The following UGT1A7 variants were observed in gnomAD, a reference collection of about 807,000 sequenced individuals.
UGT1A7 encodes the protein UDP glucuronosyltransferase family 1 member A7, also known as UDP-glucuronosyltransferase 1A7.
In UGT1A7, 33 loss-of-function variants were observed where a neutral mutation model predicts 45.6. The observed-to-expected ratio is 0.72, with a 90% confidence interval of 0.55 to 0.97. The LOEUF is 0.97. Among genes scored for constraint, UGT1A7 ranks in the 50% least tolerant of loss-of-function variants. The pLI, the probability that UGT1A7 is intolerant of heterozygous loss-of-function variation, is 0.00. For synonymous variants in UGT1A7, 274 were observed against 250.6 expected (o/e 1.09, Z -0.88); for missense variants, 684 against 666.2 (o/e 1.03, Z -0.29).
At chr2:233,763,011 T>G (rs1346748254) in intron 1 of UGT1A7, among the ~76,000 whole-genome samples, 2 of 152,248 alleles carry the variant, frequency 1.3e-5, no homozygotes, top group Non-Finnish European at 2.9e-5. Flanking sequence ...TTTCATTATT[T>G]TGCATTATGT....
intron 1 of UGT1A7, chr2:233,729,350 T>A (rs751106111): frequency 2.5e-6 from 4 of 1,614,098 alleles, no homozygotes; most frequent in Non-Finnish European, 3.4e-6. Context: ...GAGAACTTTT[T>A]CACCCTGACA....
At chr2:233,760,612 G>C in intron 1 of UGT1A7, 1 of 1,614,218 alleles carries the variant, frequency 6.2e-7, no homozygotes, top group South Asian at 1.1e-5. Flanking sequence ...CCTGCAGCGT[G>C]TGATCAAAAC....
At chr2:233,711,717 G>A (rs2076193718) in intron 1 of UGT1A7, among the ~76,000 whole-genome samples, 1 of 152,198 alleles carries the variant, frequency 6.6e-6, no homozygotes, top group South Asian at 2.1e-4. Flanking sequence ...GGAAGCCTCA[G>A]CTTCACCAGC....
chr2:233,729,726 C>T, intron 1 of UGT1A7: 2 of 1,613,934 alleles, frequency 1.2e-6, no homozygotes, highest in African/African-American at 2.7e-5. Context: ...TACTAACAAC[C>T]AATTCAGACC....
At chr2:233,719,288 C>T (rs1377929252) in intron 1 of UGT1A7, 12 of 1,613,978 alleles carry the variant, frequency 7.4e-6, no homozygotes, top group Non-Finnish European at 1.0e-5. Flanking sequence ...CCGTTAACCT[C>T]TGTGGGGCGG....
chr2:233,681,987 T>A lies in UGT1A7; in HGVS notation c.50T>A (p.Leu17Gln). The A allele has an allele frequency of 6.2e-7, 1 of 1,614,188 alleles. No individual in the cohort carries two copies. The highest frequency in any genetic ancestry group is 8.5e-7 in the Non-Finnish European group (1 of 1,180,010). ...TGLLPLYVCL[L>Q]LTCGFAKAGK... Reference sequence around the variant, plus strand: ...CTCCTTCCCCTATATGTGTGTCTACTGCTGACCTGTGGCTTTGCCAAGGCA... The same window carrying A: ...CTCCTTCCCCTATATGTGTGTCTACAGCTGACCTGTGGCTTTGCCAAGGCA... The change falls in exon 1 of 5, where the codon CTG becomes CAG. Residue 17 changes from leucine (L) to glutamine (Q), a missense_variant. Physicochemically the swap from Leu to Gln is moderately radical, Grantham distance 113. Transcript: ENST00000373426.
Position 233,707,728 on chromosome 2 carries a change from AC to A in UGT1A7, c.855+24937del, listed in dbSNP as rs1181279072. ...TTTCACTACTGTGAACAATGTTACA[AC>A]GAACATTCTTTTACATTCTGAAACA... is the stretch of plus-strand genomic sequence containing the variant. On this transcript the variant is annotated intron_variant, in intron 1 of 4. Transcript: ENST00000373426. 6.6e-5 allele frequency among the ~76,000 whole-genome samples: 10 copies of A among 152,254 alleles called. No individual in the cohort carries two copies. In the East Asian group the frequency reaches 9.6e-4, roughly 15 times the overall value.
rs766578846 is a variant in UGT1A7 at position 233,743,643 on chromosome 2, T to C, written c.856-23391T>C. On this transcript the variant is annotated intron_variant, in intron 1 of 4. Transcript: ENST00000373426. ...AAGACGTCGGCTGGGTCGCGGAAGC[T>C]GAAGACGTACTCGAAGGGGTCCTCG... 2.2e-6 allele frequency: 3 copies of C among 1,367,168 alleles called. No homozygotes were observed. In the African/African-American group the frequency reaches 4.5e-5, roughly 20 times the overall value. The allele number at this position is 1,367,168 out of a possible 1,614,324, so 84.7% of individuals were successfully genotyped here.
chr2:233,771,170 G>A (rs1309098130), intron 4 of UGT1A7: 1 of 152,100 alleles, frequency 6.6e-6, no homozygotes, highest in African/African-American at 2.4e-5. Flanking sequence ...CCAGCACTGG[G>A]GATTACAATT....
At chr2:233,713,743 A>G (rs2076342174) in intron 1 of UGT1A7, 9 of 1,613,788 alleles carry the variant, frequency 5.6e-6, no homozygotes, top group Admixed American at 3.3e-5. Flanking sequence ...CTTGTCAGCC[A>G]TGCATCTGTG....
intron 1 of UGT1A7, among the ~76,000 whole-genome samples, chr2:233,695,701 C>A (rs2075303342): frequency 6.6e-6 from 1 of 152,146 alleles, no homozygotes; most frequent in Non-Finnish European, 1.5e-5. Flanking sequence ...GATTATTTCA[C>A]CTAACATAAT....
chr2:233,712,801 T>G (rs903788650), intron 1 of UGT1A7, among the ~76,000 whole-genome samples: 3 of 152,228 alleles, frequency 2.0e-5, no homozygotes, highest in Non-Finnish European at 4.4e-5. Flanking sequence ...GATCGGTCTT[T>G]CCCAGGGTGG....
chr2:233,712,394 A>G (rs2013030), intron 1 of UGT1A7, among the ~76,000 whole-genome samples: 13,551 of 152,236 alleles, frequency 0.089, 758 homozygotes, highest in East Asian at 0.2. Flanking sequence ...GCCACTTCAG[A>G]GAGAGTCCTC....
chr2:233,692,608 C>T (rs1023315562), intron 1 of UGT1A7, among the ~76,000 whole-genome samples: 10 of 152,156 alleles, frequency 6.6e-5, no homozygotes, highest in Non-Finnish European at 1.3e-4. Flanking sequence ...GAAAAATTCC[C>T]GCACATCATG....
intron 1 of UGT1A7, among the ~76,000 whole-genome samples, chr2:233,762,455 C>T (rs960271633): frequency 3.9e-5 from 6 of 152,100 alleles, no homozygotes; most frequent in Admixed American, 6.5e-5. Flanking sequence ...GCCCACTTAC[C>T]GATAATGTCA....
intron 1 of UGT1A7, among the ~76,000 whole-genome samples, chr2:233,736,165 G>T (rs533285485): frequency 6.6e-6 from 1 of 152,206 alleles, no homozygotes; most frequent in Non-Finnish European, 1.5e-5. Flanking sequence ...CGTAGATTTG[G>T]TCTTTCCACA....
chr2:233,761,375 C>T (rs1238115278), intron 1 of UGT1A7, among the ~76,000 whole-genome samples: 2 of 152,226 alleles, frequency 1.3e-5, no homozygotes, highest in Non-Finnish European at 2.9e-5. Context: ...GGACATTTTA[C>T]TCTGTGTGCT....
chr2:233,769,536 A>G lies in UGT1A7; in HGVS notation c.1295+1097A>G. On this transcript the variant is annotated intron_variant, in intron 4 of 4. Transcript: ENST00000373426. This position sits in a 1 kb window ranked among gnomAD's most constrained non-coding sequence, Gnocchi z 4.4. Reference sequence around the variant, plus strand: ...CCCATGGTTACCTCCTTTAGAAAGAAGCAGCAGTCAGGAAGACAGATGTGA... The same window carrying G: ...CCCATGGTTACCTCCTTTAGAAAGAGGCAGCAGTCAGGAAGACAGATGTGA... 6.2e-7 allele frequency: 1 copy of G among 1,612,938 alleles called. No homozygotes were observed. The highest frequency in any genetic ancestry group is 8.5e-7 in the Non-Finnish European group (1 of 1,179,892).
chr2:233,746,887 A>T (rs765200684), intron 1 of UGT1A7, among the ~76,000 whole-genome samples: 2 of 151,818 alleles, frequency 1.3e-5, no homozygotes, highest in African/African-American at 2.4e-5. Flanking sequence ...ACAGAGAAGT[A>T]GGAGGCTGTG....
Sources: gnomAD v4.1 joint callset for allele counts (sites outside exome capture counted in the v4.1 genomes callset) on GRCh38, gnomAD v4.1.1 for gene constraint, Gnocchi (gnomAD v3.1) non-coding constraint, MANE v1.5 for transcripts, NCBI Gene and HGNC (gene_info 2026-07-23, HGNC 2026-07-21) for gene names.